ANGPTL6: variants seen among roughly 807,000 people sequenced by gnomAD.
ANGPTL6 encodes the protein angiopoietin-related protein 6.
In ANGPTL6, 45 loss-of-function variants were observed where a neutral mutation model predicts 47.4. That is an observed-to-expected ratio of 0.95 (90% CI 0.75 to 1.22). ANGPTL6 has a LOEUF of 1.22. ANGPTL6 is among the 50% of genes most tolerant of loss of function. The probability of loss-of-function intolerance (pLI) is 0.00; values close to 1 mark genes in which losing one functional copy is unlikely to be tolerated. For missense variants in ANGPTL6, 698 were observed against 669.4 expected, an observed-to-expected ratio of 1.04 and a Z score of -0.47; for synonymous variants, 290 against 295.9, an observed-to-expected ratio of 0.98 and a Z score of 0.20.
chr19:10,097,580 G>A (rs767672061), intron 1 of ANGPTL6, among the ~76,000 whole-genome samples: 8 of 152,138 alleles, frequency 5.3e-5, no homozygotes, highest in East Asian at 1.9e-4. Context: ...AGGGCCAGGC[G>A]CGGTGGCTCA....
At chr19:10,105,388 AG>A (rs1205244634), upstream of ANGPTL6, among the ~76,000 whole-genome samples, 5 of 152,136 alleles carry the variant, frequency 3.3e-5, no homozygotes, top group Admixed American at 6.6e-5. Context: ...GGAGAGACAT[AG>A]GGAGATGGCA....
chr19:10,092,552 A>G lies in ANGPTL6; in HGVS notation c.*37T>C, dbSNP rs773334765. On this transcript the variant is annotated 3_prime_UTR_variant, in exon 6 of 6. Coordinates refer to ENST00000253109, the MANE Select transcript of ANGPTL6 (RefSeq NM_031917.3). ...GAACAACTTGGGCTCCTGCTGACCAATGTCCTCTAGGGCCTAGGGGACAGA... is the reference window on the plus strand; with the variant it reads ...GAACAACTTGGGCTCCTGCTGACCAGTGTCCTCTAGGGCCTAGGGGACAGA... The G allele has an allele frequency of 5.8e-6, 9 of 1,563,378 alleles. No individual in the cohort carries two copies. The East Asian group carries it at 6.8e-5, about 12-fold the overall frequency.
intron 1 of ANGPTL6, among the ~76,000 whole-genome samples, chr19:10,100,621 C>T (rs1216986208): frequency 6.6e-6 from 1 of 152,226 alleles, no homozygotes; most frequent in Non-Finnish European, 1.5e-5. Context: ...ATGCATTCAA[C>T]CACAGACACC....
chr19:10,097,861 A>T (rs1484482527), intron 1 of ANGPTL6, among the ~76,000 whole-genome samples: 2 of 147,554 alleles, frequency 1.4e-5, no homozygotes, highest in Admixed American at 1.4e-4. Flanking sequence ...TCAAAAAAAT[A>T]AAATAAAATA....
At chr19:10,101,246 CAGA>C (rs1289936080) in intron 1 of ANGPTL6, among the ~76,000 whole-genome samples, 11 of 151,666 alleles carry the variant, frequency 7.3e-5, no homozygotes, top group Admixed American at 3.3e-4. Context: ...AAAGGCCTCA[CAGA>C]AGAAGTGACA....
intron 5 of ANGPTL6, chr19:10,093,003 T>A: frequency 2.0e-6 from 1 of 496,340 alleles, no homozygotes; most frequent in Admixed American, 3.7e-5. Context: ...AAAGTACAAG[T>A]CACATCTTTC....
intron 2 of ANGPTL6, among the ~76,000 whole-genome samples, 154 bp downstream of exon 2, chr19:10,095,828 G>C (rs2145171604): frequency 6.6e-6 from 1 of 152,340 alleles, no homozygotes; most frequent in Middle Eastern, 3.4e-3. Flanking sequence ...ATAGCCACCA[G>C]TCACTTTTTG....
chr19:10,094,849 T>C lies in ANGPTL6; in HGVS notation c.672A>G (p.Pro224=). The C allele has an allele frequency of 1.2e-6, 2 of 1,614,194 alleles. No individual in the cohort carries two copies. The highest frequency in any genetic ancestry group is 1.3e-5 in the African/African-American group (1 of 75,058). The part of the protein sequence containing the change: ...SDTSRMLDPA[P]EPQRDQTQRQ... Reference sequence around the variant, plus strand: ...TCTGGGTCTGGTCTCTCTGGGGCTCTGGGGCTGGGTCCAGCATCCTACTGG... The same window carrying C: ...TCTGGGTCTGGTCTCTCTGGGGCTCCGGGGCTGGGTCCAGCATCCTACTGG... The change falls in exon 3 of 6, where the codon CCA becomes CCG. Residue 224 remains proline (P), a synonymous_variant. Coordinates refer to ENST00000253109, the MANE Select transcript of ANGPTL6 (RefSeq NM_031917.3).
intron 1 of ANGPTL6, among the ~76,000 whole-genome samples, chr19:10,097,044 A>G (rs918542199): frequency 6.6e-6 from 1 of 151,922 alleles, no homozygotes; most frequent in Non-Finnish European, 1.5e-5. Flanking sequence ...GGCTTCAGTG[A>G]GCCATGATCG....
At chr19:10,101,878 G>T (rs2088688466) in intron 1 of ANGPTL6, among the ~76,000 whole-genome samples, 1 of 148,708 alleles carries the variant, frequency 6.7e-6, no homozygotes, top group Non-Finnish European at 1.5e-5. Flanking sequence ...GGCCAAGGCA[G>T]GTGGATCACG....
upstream of ANGPTL6, chr19:10,106,117 C>A: frequency 1.7e-6 from 1 of 576,744 alleles, no homozygotes; most frequent in Non-Finnish European, 3.0e-6. Context: ...GTGGTTTTAG[C>A]CCAGCTGGAG....
At chr19:10,103,462 C>T (rs576653006), upstream of ANGPTL6, among the ~76,000 whole-genome samples, 13 of 151,468 alleles carry the variant, frequency 8.6e-5, no homozygotes, top group African/African-American at 2.7e-4. Flanking sequence ...TGGTGGCATG[C>T]GCCAGTAATC....
At chr19:10,096,604 G>C in intron 1 of ANGPTL6, 31 bp from the exon 2 acceptor site, 1 of 1,442,692 alleles carries the variant, frequency 6.9e-7, no homozygotes, top group South Asian at 1.3e-5. Context: ...GAAGGAAGAC[G>C]GGGTGCTGGG....
chr19:10,103,400 G>T (rs1010815905), upstream of ANGPTL6, among the ~76,000 whole-genome samples: 1 of 151,474 alleles, frequency 6.6e-6, no homozygotes, highest in African/African-American at 2.4e-5. Context: ...AACCATCCTT[G>T]CCAACATGCT....
chr19:10,097,420 G>A (rs2088575049), intron 1 of ANGPTL6, among the ~76,000 whole-genome samples: 2 of 151,062 alleles, frequency 1.3e-5, no homozygotes, highest in South Asian at 4.2e-4. Flanking sequence ...AGGCACAAAT[G>A]TGTGCCAGCC....
In ANGPTL6 at chr19:10,096,317, C is replaced by A. The variant is rs1476367294; in HGVS notation, c.247G>T (p.Ala83Ser). The A allele has an allele frequency of 2.4e-6, 3 of 1,265,784 alleles. No individual in the cohort carries two copies. Among genetic ancestry groups the A allele is most frequent in the Non-Finnish European group, 3.0e-6 (3 of 1,009,186 alleles). The allele number at this position is 1,265,784 out of a possible 1,614,324, so 78.4% of individuals were successfully genotyped here. ...CCGGCCACGGCGCCGTCGGCCGCCGCCAGCCTCTGCAGCTCGCGTAACAGC... is the reference window on the plus strand; with the variant it reads ...CCGGCCACGGCGCCGTCGGCCGCCGACAGCCTCTGCAGCTCGCGTAACAGC... ...EELLRELQRL[A>S]AADGAVAGEV... Residue 83 changes from alanine (A) to serine (S), a missense_variant, in exon 2 of 6, where the codon GCG (alanine) becomes TCG (serine). Physicochemically the swap from Ala to Ser is moderately conservative, Grantham distance 99 (BLOSUM62 1). Transcript: ENST00000253109.
upstream of ANGPTL6, among the ~76,000 whole-genome samples, chr19:10,104,467 T>C (rs1014599422): frequency 1.3e-5 from 2 of 152,066 alleles, no homozygotes; most frequent in African/African-American, 4.8e-5. Flanking sequence ...TTTTTCAGCA[T>C]AAGAAGCCAA....
intron 1 of ANGPTL6, among the ~76,000 whole-genome samples, chr19:10,101,804 C>CAAAA (rs1019332736): frequency 5.5e-5 from 3 of 54,100 alleles, no homozygotes; most frequent in African/African-American, 7.7e-5. Context: ...GAGCAAGGCT[C>CAAAA]AAAAAAAAAA....
chr19:10,097,091 C>A (rs770113015), intron 1 of ANGPTL6, among the ~76,000 whole-genome samples: 48 of 151,824 alleles, frequency 3.2e-4, no homozygotes, highest in Admixed American at 7.9e-4. Context: ...AAAGTGATAG[C>A]CCATCTCAAA....
Sources: allele counts gnomAD v4.1 joint callset (sites outside exome capture counted in the v4.1 genomes callset), GRCh38; gene constraint gnomAD v4.1.1; transcripts MANE v1.5; gene names NCBI Gene and HGNC (gene_info 2026-07-23, HGNC 2026-07-21).